RTN3: variants seen among roughly 807,000 people sequenced by gnomAD.
RTN3 encodes the protein reticulon 3, also known as reticulon-3.
RTN3 carries 49 observed loss-of-function variants against 77.8 expected under a neutral mutation model. The ratio of observed to expected loss-of-function variants is 0.63; its 90% CI spans 0.50 to 0.80. The LOEUF (loss-of-function observed/expected upper bound fraction) is 0.80. RTN3 is among the 30% of genes least tolerant of loss of function. The pLI, the probability that RTN3 is intolerant of heterozygous loss-of-function variation, is 0.00. For missense variants in RTN3, 1,236 were observed against 1,211.9 expected (o/e 1.02, Z -0.29); for synonymous variants, 464 against 446.9 (o/e 1.04, Z -0.48).
intron 1 of RTN3, among the ~76,000 whole-genome samples, chr11:63,683,613 A>G (rs1365908369): frequency 1.3e-5 from 2 of 152,234 alleles, no homozygotes; most frequent in African/African-American, 4.8e-5. Context: ...GGCCAATGAA[A>G]TAAGAGTATT....
At chr11:63,682,569 G>A (rs1269915214) in intron 1 of RTN3, among the ~76,000 whole-genome samples, 1 of 151,046 alleles carries the variant, frequency 6.6e-6, no homozygotes, top group Non-Finnish European at 1.5e-5. Context: ...GTCATGCTAA[G>A]CTATCAACAT....
intron 3 of RTN3, among the ~76,000 whole-genome samples, chr11:63,745,435 A>G (rs1370406090): frequency 2.0e-5 from 3 of 152,348 alleles, no homozygotes; most frequent in East Asian, 1.9e-4. Flanking sequence ...TGATGAAGGC[A>G]GGGGCTGTTA....
At chr11:63,682,959 GCTCT>G (rs1412336180) in intron 1 of RTN3, among the ~76,000 whole-genome samples, 2 of 152,022 alleles carry the variant, frequency 1.3e-5, no homozygotes, top group Admixed American at 6.6e-5. Context: ...AGATAATTTT[GCTCT>G]CTATTTAGTT....
At chr11:63,705,775 T>C (rs1051286050) in intron 2 of RTN3, among the ~76,000 whole-genome samples, 3 of 152,180 alleles carry the variant, frequency 2.0e-5, no homozygotes, top group African/African-American at 7.2e-5. Context: ...AGAGATTGAG[T>C]TGTGGCTTTG....
intron 3 of RTN3, among the ~76,000 whole-genome samples, chr11:63,740,734 G>A (rs1340241002): frequency 6.6e-6 from 1 of 151,764 alleles, no homozygotes; most frequent in Admixed American, 6.6e-5. Context: ...TAATTTCTTT[G>A]TATCTTACTG....
intron 1 of RTN3, among the ~76,000 whole-genome samples, chr11:63,702,842 C>A (rs1021920962): frequency 6.6e-6 from 1 of 151,854 alleles, no homozygotes; most frequent in Non-Finnish European, 1.5e-5. Context: ...CCCGCCACCA[C>A]GCCCAGCTAA....
intron 3 of RTN3, among the ~76,000 whole-genome samples, chr11:63,737,075 C>T (rs984441383): frequency 2.6e-5 from 4 of 151,512 alleles, no homozygotes; most frequent in Non-Finnish European, 5.9e-5. Context: ...CTCAAGGGAT[C>T]CTCCCACCTC....
At chr11:63,711,019 C>G (rs1247273017) in intron 2 of RTN3, among the ~76,000 whole-genome samples, 1 of 152,166 alleles carries the variant, frequency 6.6e-6, no homozygotes, top group Non-Finnish European at 1.5e-5. Context: ...TGGCTCACAT[C>G]TGTAATCCCA....
chr11:63,705,738 CTT>C (rs1477041730), intron 2 of RTN3, among the ~76,000 whole-genome samples: 1 of 152,170 alleles, frequency 6.6e-6, no homozygotes, highest in Non-Finnish European at 1.5e-5. Flanking sequence ...AGTTATGTGA[CTT>C]TTGGCAAGCA....
chr11:63,717,163 C>G (rs2011464000), intron 2 of RTN3, among the ~76,000 whole-genome samples: 1 of 151,698 alleles, frequency 6.6e-6, no homozygotes, highest in African/African-American at 2.4e-5. Flanking sequence ...GACCCTCTCT[C>G]AAATACAAAC....
intron 7 of RTN3, 126 bp downstream of exon 7, chr11:63,753,834 T>G: frequency 2.4e-6 from 2 of 831,348 alleles, no homozygotes; most frequent in Non-Finnish European, 3.9e-6. Context: ...ATTTTGTGAG[T>G]CAAGTGCCTA....
intron 7 of RTN3, among the ~76,000 whole-genome samples, chr11:63,754,287 C>T (rs2014250394): frequency 6.6e-6 from 1 of 152,160 alleles, no homozygotes; most frequent in Non-Finnish European, 1.5e-5. Flanking sequence ...GGAGCAGTGG[C>T]TCATGCCTAT....
chr11:63,751,028 G>C (rs1049896067), intron 4 of RTN3, among the ~76,000 whole-genome samples: 1 of 151,982 alleles, frequency 6.6e-6, no homozygotes, highest in African/African-American at 2.4e-5. Context: ...CACCGCTCCC[G>C]ACCATAATGT....
chr11:63,734,628 A>T (rs372698143), intron 3 of RTN3, among the ~76,000 whole-genome samples: 2 of 152,104 alleles, frequency 1.3e-5, no homozygotes, highest in African/African-American at 4.8e-5. Context: ...GCTACTCAGG[A>T]GGCTGAGGCA....
At chr11:63,722,536 A>G (rs2011896090) in intron 3 of RTN3, among the ~76,000 whole-genome samples, 2 of 152,212 alleles carry the variant, frequency 1.3e-5, no homozygotes, top group South Asian at 4.1e-4. Context: ...CCACATAAGT[A>G]GTACTGGATA....
At chr11:63,722,434 G>T (rs1478230306) in intron 3 of RTN3, among the ~76,000 whole-genome samples, 1 of 151,994 alleles carries the variant, frequency 6.6e-6, no homozygotes, top group Non-Finnish European at 1.5e-5. Flanking sequence ...CCTTACAATG[G>T]TATTGTGAGG....
chr11:63,684,165 T>G lies in RTN3; in HGVS notation c.142+2387T>G, dbSNP rs566567639. On this transcript the variant is annotated intron_variant, in intron 1 of 8. Transcript: ENST00000377819. ...TTTTTTTTTTTTTTTGGTTTTTTTTTTGAGACGGAGTCTCGCTTTGTCGCC... is the reference window on the plus strand; with the variant it reads ...TTTTTTTTTTTTTTTGGTTTTTTTTGTGAGACGGAGTCTCGCTTTGTCGCC... Among the ~76,000 whole-genome samples, 167 of 133,416 alleles carry G rather than the reference T, an allele frequency of 1.3e-3. 2 individuals carry two copies. Among genetic ancestry groups the G allele is most frequent in the African/African-American group, 4.3e-3 (157 of 36,604 alleles). The allele number at this position is 133,416 out of a possible 152,430, so 87.5% of individuals were successfully genotyped here. A position where few individuals can be genotyped will look rare whatever the true frequency, so the allele number is the denominator to read the frequency against.
rs569766436 is a variant in RTN3 at position 63,729,559 on chromosome 11, G to A, written c.2530+8527G>A. On this transcript the variant is annotated intron_variant, in intron 3 of 8. Transcript: ENST00000377819. ...TGCAACCTAGACCTCCTGGGCTCAA[G>A]CAATCCTCGTGCCTCAGCCTCCCAT... is the stretch of plus-strand genomic sequence containing the variant. Among the ~76,000 whole-genome samples the A allele has an allele frequency of 2.7e-5, 4 of 148,130 alleles. No homozygotes were observed. In the South Asian group the frequency reaches 8.7e-4, roughly 32 times the overall value.
chr11:63,699,361 C>G (rs1234926685), intron 1 of RTN3, among the ~76,000 whole-genome samples: 1 of 151,980 alleles, frequency 6.6e-6, no homozygotes, highest in Non-Finnish European at 1.5e-5. Context: ...TCATTTAGTC[C>G]CTCAGTGATC....
Sources: allele counts gnomAD v4.1 joint callset (sites outside exome capture counted in the v4.1 genomes callset), GRCh38; gene constraint gnomAD v4.1.1; transcripts MANE v1.5; gene names NCBI Gene and HGNC (gene_info 2026-07-23, HGNC 2026-07-21).